RAD51B: variants seen among roughly 807,000 people sequenced by gnomAD.
RAD51B encodes RAD51 paralog B, also known as DNA repair protein RAD51 homolog 2.
Under a neutral mutation model 42.2 loss-of-function variants are expected in RAD51B, and 38 were observed. The observed-to-expected ratio is 0.90, with a 90% CI of 0.70 to 1.18. RAD51B has a LOEUF of 1.18. RAD51B is among the 50% of genes most tolerant of loss of function. RAD51B has a pLI of 0.00. For synonymous variants in RAD51B, 154 were observed against 145.2 expected (o/e 1.06, Z -0.43); for missense variants, 373 against 400.7 (o/e 0.93, Z 0.59).
downstream of RAD51B, among the ~76,000 whole-genome samples, chr14:68,597,627 A>C (rs1011270147): frequency 6.6e-6 from 1 of 152,140 alleles, no homozygotes; most frequent in Non-Finnish European, 1.5e-5. Flanking sequence ...AACATCAAAC[A>C]CTAGGGTCTA....
chr14:68,167,846 C>A (rs1183210025), intron 7 of RAD51B, among the ~76,000 whole-genome samples: 1 of 152,066 alleles, frequency 6.6e-6, no homozygotes, highest in Non-Finnish European at 1.5e-5. Context: ...GTACAAAGTC[C>A]TCCCATAAAC....
At chr14:68,042,058 T>C (rs2076226738) in intron 7 of RAD51B, among the ~76,000 whole-genome samples, 1 of 152,220 alleles carries the variant, frequency 6.6e-6, no homozygotes, top group African/African-American at 2.4e-5. Context: ...GATTCTGAAG[T>C]ACTCCAGTGC....
At chr14:68,629,153 G>C (rs770826048) in intron 10 of RAD51B, among the ~76,000 whole-genome samples, 7 of 152,096 alleles carry the variant, frequency 4.6e-5, no homozygotes, top group Non-Finnish European at 1.0e-4. Flanking sequence ...TCTTGGTTTT[G>C]TCCCTCCCTC....
At chr14:68,560,921 C>T (rs940874566) in intron 10 of RAD51B, among the ~76,000 whole-genome samples, 1 of 152,094 alleles carries the variant, frequency 6.6e-6, no homozygotes, top group African/African-American at 2.4e-5. Flanking sequence ...TGGGATCATC[C>T]GGCAGGGAAC....
intron 7 of RAD51B, among the ~76,000 whole-genome samples, chr14:67,975,562 C>T (rs1490683330): frequency 3.3e-5 from 5 of 152,194 alleles, no homozygotes; most frequent in African/African-American, 7.2e-5. Flanking sequence ...GCAAATCTGG[C>T]GGCTTCTTGA....
intron 7 of RAD51B, among the ~76,000 whole-genome samples, chr14:68,223,294 C>A (rs151237377): frequency 4.7e-4 from 71 of 152,258 alleles, no homozygotes; most frequent in African/African-American, 1.7e-3. Flanking sequence ...CTTGCCTAGG[C>A]CAAGGCTTGA....
intron 7 of RAD51B, among the ~76,000 whole-genome samples, chr14:68,051,094 T>C (rs2140418984): frequency 6.6e-6 from 1 of 151,966 alleles, no homozygotes; most frequent in South Asian, 2.1e-4. Context: ...GTGTCAAAAA[T>C]CTTTAAAATG....
intron 7 of RAD51B, among the ~76,000 whole-genome samples, chr14:67,947,282 A>G (rs1266219530): frequency 6.6e-6 from 1 of 152,228 alleles, no homozygotes. Context: ...TCTTGTTTAG[A>G]GAAGCAGATT....
intron 7 of RAD51B, among the ~76,000 whole-genome samples, chr14:67,891,456 A>G (rs752757480): frequency 3.9e-5 from 6 of 152,166 alleles, no homozygotes; most frequent in Admixed American, 6.5e-5. Context: ...AGCTGCTTAG[A>G]CAAATGAATC....
intron 11 of RAD51B, among the ~76,000 whole-genome samples, chr14:68,670,842 A>T (rs1893141193): frequency 6.6e-6 from 1 of 152,100 alleles, no homozygotes; most frequent in Non-Finnish European, 1.5e-5. Flanking sequence ...CTTTCTTATC[A>T]CTGCCAGCTC....
chr14:67,859,896 C>A (rs550505846), intron 4 of RAD51B, among the ~76,000 whole-genome samples: 5 of 152,246 alleles, frequency 3.3e-5, no homozygotes, highest in African/African-American at 1.2e-4. Context: ...TCTCGGCTCA[C>A]TGCAACCTCC....
chr14:68,497,563 T>C lies in RAD51B; in HGVS notation c.1036+29313T>C, dbSNP rs577449817. 10 of 1,028,036 alleles carry C rather than the reference T, an allele frequency of 9.7e-6. No homozygotes were observed. The South Asian group carries it at 3.8e-4, about 39-fold the overall frequency. The allele number at this position is 1,028,036 out of a possible 1,614,324, so 63.7% of individuals were successfully genotyped here. Reference sequence around the variant, plus strand: ...AATTTATATAAGATGAAATTAACCATTTTAAAGTAAACAATTCCGTGGCAA... The same window carrying C: ...AATTTATATAAGATGAAATTAACCACTTTAAAGTAAACAATTCCGTGGCAA... On this transcript the variant is annotated intron_variant, in intron 10 of 10. Coordinates refer to the RAD51B transcript ENST00000487270.
chr14:68,256,626 T>C (rs931744753), intron 7 of RAD51B, among the ~76,000 whole-genome samples: 1 of 152,296 alleles, frequency 6.6e-6, no homozygotes, highest in East Asian at 1.9e-4. Flanking sequence ...TCTCTCAAAC[T>C]GTTTTCTTTC....
chr14:68,054,443 A>G (rs1040692030), intron 7 of RAD51B, among the ~76,000 whole-genome samples: 3 of 152,200 alleles, frequency 2.0e-5, no homozygotes, highest in Non-Finnish European at 2.9e-5. Flanking sequence ...TTGTTATGTA[A>G]AACTATGAAT....
chr14:68,396,493 T>C (rs1389407799), intron 8 of RAD51B, among the ~76,000 whole-genome samples: 1 of 152,190 alleles, frequency 6.6e-6, no homozygotes, highest in Non-Finnish European at 1.5e-5. Context: ...TGTCATAAAA[T>C]AGTGAAACAT....
intron 10 of RAD51B, among the ~76,000 whole-genome samples, chr14:68,593,984 A>T (rs555609663): frequency 6.6e-6 from 1 of 152,314 alleles, no homozygotes; most frequent in Admixed American, 6.5e-5. Context: ...TGGGAAAGGA[A>T]TGGCTCACTG....
chr14:67,989,654 A>AAAAAG (rs1555337274), intron 7 of RAD51B, among the ~76,000 whole-genome samples: 17 of 150,588 alleles, frequency 1.1e-4, no homozygotes, highest in Non-Finnish European at 1.9e-4. Flanking sequence ...AAAAAAAAAA[A>AAAAAG]AAAGAAAGAA....
chr14:68,504,411 A>G (rs1885136892), intron 10 of RAD51B, among the ~76,000 whole-genome samples: 1 of 152,236 alleles, frequency 6.6e-6, no homozygotes, highest in Non-Finnish European at 1.5e-5. Flanking sequence ...CCATTTGTGT[A>G]CATCAATGAG....
intron 7 of RAD51B, among the ~76,000 whole-genome samples, chr14:68,177,249 G>T (rs1653929473): frequency 6.6e-6 from 1 of 152,156 alleles, no homozygotes; most frequent in Non-Finnish European, 1.5e-5. Flanking sequence ...TTTTCTGGGT[G>T]CCAGAAAGGC....
Sources: allele counts gnomAD v4.1 joint callset (sites outside exome capture counted in the v4.1 genomes callset), GRCh38; gene constraint gnomAD v4.1.1; transcripts MANE v1.5; gene names NCBI Gene and HGNC (gene_info 2026-07-23, HGNC 2026-07-21).